RNGTT: variants seen among roughly 807,000 people sequenced by gnomAD.
The protein encoded by RNGTT is RNA guanylyltransferase and 5'-phosphatase, also known as mRNA-capping enzyme.
RNGTT carries 33 observed loss-of-function variants against 79.3 expected under a neutral mutation model. The observed-to-expected ratio is 0.42, with a 90% CI of 0.32 to 0.56. RNGTT has a LOEUF of 0.56. Ranked by LOEUF, RNGTT falls within the 20% of genes least tolerant of loss-of-function variation. The pLI, the probability that RNGTT is intolerant of heterozygous loss-of-function variation, is 0.17. For missense variants in RNGTT, 497 were observed against 739.1 expected (o/e 0.67, Z 3.80); for synonymous variants, 222 against 235.9 (o/e 0.94, Z 0.54).
chr6:88,739,127 T>C (rs1424440855), intron 13 of RNGTT, among the ~76,000 whole-genome samples: 1 of 152,078 alleles, frequency 6.6e-6, no homozygotes, highest in Non-Finnish European at 1.5e-5. Flanking sequence ...TTAAATGAGA[T>C]AATGTATATA....
intron 12 of RNGTT, among the ~76,000 whole-genome samples, chr6:88,771,313 GTGTATATA>G (rs1241372587): frequency 1.2e-3 from 55 of 47,734 alleles, no homozygotes; most frequent in African/African-American, 3.9e-3. Context: ...ATGTGTGTGT[GTGTATATA>G]TATATATATA....
intron 12 of RNGTT, among the ~76,000 whole-genome samples, chr6:88,771,313 G>GTATATATA (rs1250939965): frequency 1.3e-4 from 6 of 47,738 alleles, no homozygotes; most frequent in South Asian, 1.9e-3. Flanking sequence ...ATGTGTGTGT[G>GTATATATA]TGTATATATA....
intron 12 of RNGTT, among the ~76,000 whole-genome samples, chr6:88,797,941 CAAAAA>C (rs143559265): frequency 1.5e-5 from 1 of 65,814 alleles, no homozygotes; most frequent in Non-Finnish European, 3.1e-5. Flanking sequence ...AAGCAAAAGC[CAAAAA>C]AAAAAAAAAA....
At chr6:88,698,231 A>G (rs1341476546) in intron 13 of RNGTT, among the ~76,000 whole-genome samples, 1 of 118,868 alleles carries the variant, frequency 8.4e-6, no homozygotes, top group Non-Finnish European at 1.6e-5. Context: ...TCATATATAT[A>G]TGAAATATAT....
intron 13 of RNGTT, among the ~76,000 whole-genome samples, chr6:88,739,757 A>G (rs1403008417): frequency 4.6e-5 from 3 of 65,050 alleles, no homozygotes; most frequent in Non-Finnish European, 7.6e-5. Flanking sequence ...ATATATATAT[A>G]TATATATATA....
intron 13 of RNGTT, among the ~76,000 whole-genome samples, chr6:88,755,189 G>A (rs1239569237): frequency 1.3e-5 from 2 of 151,956 alleles, no homozygotes; most frequent in Non-Finnish European, 2.9e-5. Context: ...TTAGCAGTTA[G>A]GCAAAAAATT....
chr6:88,863,613 G>T (rs1582556617), intron 8 of RNGTT, among the ~76,000 whole-genome samples: 1 of 152,206 alleles, frequency 6.6e-6, no homozygotes, highest in East Asian at 1.9e-4. Flanking sequence ...TCAAGATTTA[G>T]AGTCTTGTGT....
intron 11 of RNGTT, among the ~76,000 whole-genome samples, chr6:88,832,523 G>T (rs1447792611): frequency 1.3e-5 from 2 of 152,072 alleles, no homozygotes; most frequent in Non-Finnish European, 2.9e-5. Context: ...CATAGGCATA[G>T]GCAAAGACTT....
intron 11 of RNGTT, among the ~76,000 whole-genome samples, chr6:88,811,663 A>T (rs188831045): frequency 2.0e-5 from 3 of 152,308 alleles, no homozygotes; most frequent in African/African-American, 7.2e-5. Context: ...AAGAAACTCA[A>T]TCTCCAATGT....
intron 13 of RNGTT, among the ~76,000 whole-genome samples, chr6:88,679,708 C>T (rs1028961140): frequency 3.3e-5 from 5 of 152,158 alleles, no homozygotes; most frequent in African/African-American, 1.2e-4. Context: ...TATAACTGTG[C>T]TTGTGGAGTA....
At chr6:88,906,482 G>T in intron 4 of RNGTT, 42 bp from the exon 5 acceptor site, 4 of 1,188,292 alleles carry the variant, frequency 3.4e-6, no homozygotes, top group South Asian at 1.5e-5. Context: ...ACAAATCACT[G>T]CAGAGGCCAC....
At chr6:88,660,880 A>C (rs1323548545) in intron 14 of RNGTT, among the ~76,000 whole-genome samples, 2 of 152,224 alleles carry the variant, frequency 1.3e-5, no homozygotes, top group Non-Finnish European at 2.9e-5. Flanking sequence ...TTTCATCAGC[A>C]CATGTAACAT....
intron 4 of RNGTT, among the ~76,000 whole-genome samples, chr6:88,922,230 T>G (rs1215608167): frequency 6.6e-6 from 1 of 151,820 alleles, no homozygotes; most frequent in Non-Finnish European, 1.5e-5. Context: ...AATTTATACA[T>G]AATAACTGTA....
intron 4 of RNGTT, among the ~76,000 whole-genome samples, chr6:88,906,668 G>C (rs758514600): frequency 1.3e-5 from 2 of 152,104 alleles, no homozygotes; most frequent in Non-Finnish European, 2.9e-5. Context: ...TAGGTTTATT[G>C]ATGTAAAACT....
chr6:88,778,934 G>T (rs970611717), intron 12 of RNGTT, among the ~76,000 whole-genome samples: 16 of 152,262 alleles, frequency 1.1e-4, no homozygotes, highest in African/African-American at 3.9e-4. Flanking sequence ...TGCCCTGAGA[G>T]ATTTATTTAG....
chr6:88,936,865 T>G (rs1001287962), intron 2 of RNGTT, among the ~76,000 whole-genome samples: 1 of 152,214 alleles, frequency 6.6e-6, no homozygotes, highest in Non-Finnish European at 1.5e-5. Flanking sequence ...TAGAATTTGG[T>G]GGTGAAGGCA....
At chr6:88,906,681 C>T (rs921760769) in intron 4 of RNGTT, among the ~76,000 whole-genome samples, 2 of 152,124 alleles carry the variant, frequency 1.3e-5, no homozygotes, top group Admixed American at 1.3e-4. Flanking sequence ...GTAAAACTGT[C>T]TCTACTGTTT....
At chr6:88,870,101 C>A (rs1431760450) in intron 8 of RNGTT, among the ~76,000 whole-genome samples, 1 of 152,134 alleles carries the variant, frequency 6.6e-6, no homozygotes, top group African/African-American at 2.4e-5. Context: ...TAAATCTGGG[C>A]TGAAAGCCAG....
intron 9 of RNGTT, among the ~76,000 whole-genome samples, chr6:88,851,080 T>A (rs1306211448): frequency 6.6e-6 from 1 of 151,878 alleles, no homozygotes; most frequent in Non-Finnish European, 1.5e-5. Flanking sequence ...AATTAGATAG[T>A]GGTCTTGATT....
Sources: gnomAD v4.1 joint callset for allele counts (sites outside exome capture counted in the v4.1 genomes callset) on GRCh38, gnomAD v4.1.1 for gene constraint, MANE v1.5 for transcripts, NCBI Gene and HGNC (gene_info 2026-07-23, HGNC 2026-07-21) for gene names.